The following RIMBP2 variants were observed in gnomAD, a reference collection of about 807,000 sequenced individuals.
The protein encoded by RIMBP2 is RIMS binding protein 2, also known as RIMS-binding protein 2.
A neutral mutation model predicts 118.6 loss-of-function variants in RIMBP2; 48 were observed. That is an observed-to-expected ratio of 0.40 (90% CI 0.32 to 0.51). The LOEUF is 0.51. Among genes scored for constraint, RIMBP2 ranks in the 20% least tolerant of loss-of-function variants. RIMBP2 has a pLI of 0.41. For missense variants in RIMBP2, 1,551 were observed against 1,768.3 expected (o/e 0.88, Z 2.20); for synonymous variants, 762 against 742.9 (o/e 1.03, Z -0.42).
intron 1 of RIMBP2, among the ~76,000 whole-genome samples, chr12:130,628,812 T>C (rs192716619): frequency 6.6e-6 from 1 of 152,136 alleles, no homozygotes; most frequent in Admixed American, 6.5e-5. Context: ...AGACAGATGA[T>C]AGCAAGGGAC....
At chr12:130,573,866 T>C (rs537738779) in intron 2 of RIMBP2, among the ~76,000 whole-genome samples, 4 of 152,198 alleles carry the variant, frequency 2.6e-5, no homozygotes, top group Middle Eastern at 6.8e-3. Context: ...CCCCAGCAAG[T>C]TCCCCCAACA....
intron 1 of RIMBP2, among the ~76,000 whole-genome samples, chr12:130,650,950 GTT>G (rs60984430): frequency 7.1e-5 from 9 of 126,346 alleles, no homozygotes; most frequent in African/African-American, 9.0e-5. Flanking sequence ...ACACAGCCTT[GTT>G]TTTTTTAAAA....
At chr12:130,473,649 A>C (rs1008232483) in intron 5 of RIMBP2, among the ~76,000 whole-genome samples, 2 of 152,344 alleles carry the variant, frequency 1.3e-5, no homozygotes, top group African/African-American at 4.8e-5. Context: ...GTGAGACTCA[A>C]GGAACTATGC....
At chr12:130,479,431 C>T (rs1357428589) in intron 4 of RIMBP2, among the ~76,000 whole-genome samples, 1 of 152,208 alleles carries the variant, frequency 6.6e-6, no homozygotes, top group African/African-American at 2.4e-5. Context: ...AGGGTTTTAT[C>T]TGCATTTAAG....
intron 20 of RIMBP2, 54 bp downstream of exon 20, chr12:130,407,672 G>T: frequency 7.2e-7 from 1 of 1,386,744 alleles, no homozygotes; most frequent in Non-Finnish European, 1.0e-6. Flanking sequence ...TGTACCACGA[G>T]GGAAGGGAAG....
At chr12:130,418,738 C>T (rs2076247017) in intron 17 of RIMBP2, among the ~76,000 whole-genome samples, 1 of 152,116 alleles carries the variant, frequency 6.6e-6, no homozygotes, top group African/African-American at 2.4e-5. Flanking sequence ...TCTTTCAGGT[C>T]CCTCCTATAG....
intron 1 of RIMBP2, among the ~76,000 whole-genome samples, chr12:130,702,734 G>A (rs185663184): frequency 4.2e-4 from 64 of 152,202 alleles, no homozygotes; most frequent in Admixed American, 3.1e-3. Context: ...ATGGCCGGGC[G>A]GTGAGGACAG....
Position 130,576,612 on chromosome 12 carries a change from C to T in RIMBP2, c.-217+51710G>A, listed in dbSNP as rs528695558. On this transcript the variant is annotated intron_variant, in intron 2 of 22. Coordinates refer to ENST00000690449, the MANE Select transcript of RIMBP2 (RefSeq NM_001393629.1). This position sits in a 1 kb window ranked among gnomAD's most constrained non-coding sequence, Gnocchi z 4.2. ...CAGCCAAGTGGCTGGTAAACCCGAGCCTCCCTGGGTCTGGAAAATGGAGAG... is the reference window on the plus strand; with the variant it reads ...CAGCCAAGTGGCTGGTAAACCCGAGTCTCCCTGGGTCTGGAAAATGGAGAG... Among the ~76,000 whole-genome samples, 1 of 152,312 alleles carries T rather than the reference C, an allele frequency of 6.6e-6. No homozygotes were observed. The highest frequency in any genetic ancestry group is 2.1e-4 in the South Asian group (1 of 4,822).
chr12:130,700,216 C>T (rs151033248), intron 1 of RIMBP2, among the ~76,000 whole-genome samples: 1 of 152,210 alleles, frequency 6.6e-6, no homozygotes, highest in East Asian at 1.9e-4. Context: ...CAGGCCATTT[C>T]TACAAAGACC....
At chr12:130,560,335 C>T (rs2056716786) in intron 2 of RIMBP2, among the ~76,000 whole-genome samples, 1 of 152,096 alleles carries the variant, frequency 6.6e-6, no homozygotes, top group African/African-American at 2.4e-5. Context: ...GTCTCGGTTC[C>T]AGGGTTTCTC....
intron 2 of RIMBP2, among the ~76,000 whole-genome samples, chr12:130,599,908 A>T (rs1433845256): frequency 6.6e-6 from 1 of 152,160 alleles, no homozygotes; most frequent in African/African-American, 2.4e-5. Flanking sequence ...AACCTGCCCC[A>T]TTCTATTCAA....
chr12:130,421,934 C>T (rs7957706), intron 17 of RIMBP2, among the ~76,000 whole-genome samples: 84,637 of 152,100 alleles, frequency 0.56, 24,650 homozygotes, highest in African/African-American at 0.74. Flanking sequence ...TGCCAGATGA[C>T]GACTCATGAG....
intron 1 of RIMBP2, among the ~76,000 whole-genome samples, chr12:130,635,200 G>A (rs531901940): frequency 6.6e-6 from 1 of 152,232 alleles, no homozygotes; most frequent in East Asian, 1.9e-4. Context: ...CCACTGCATG[G>A]GCTGCTGGTT....
At chr12:130,527,506 C>T (rs1201906325) in intron 2 of RIMBP2, among the ~76,000 whole-genome samples, 1 of 151,624 alleles carries the variant, frequency 6.6e-6, no homozygotes, top group Non-Finnish European at 1.5e-5. Context: ...AACTGTGTTC[C>T]TAACACAAGT....
chr12:130,685,671 C>T (rs767237341), intron 1 of RIMBP2, among the ~76,000 whole-genome samples: 48 of 152,126 alleles, frequency 3.2e-4, no homozygotes, highest in Non-Finnish European at 6.0e-4. Context: ...AGCCCTTGAA[C>T]GGCTCAGGTT....
At chr12:130,490,514 TCAG>T (rs1429564949) in intron 4 of RIMBP2, among the ~76,000 whole-genome samples, 1 of 152,102 alleles carries the variant, frequency 6.6e-6, no homozygotes, top group Non-Finnish European at 1.5e-5. Context: ...CTTTAATGAA[TCAG>T]CAGCAGAAGT....
intron 13 of RIMBP2, among the ~76,000 whole-genome samples, chr12:130,436,435 A>G (rs2077523025): frequency 6.6e-6 from 1 of 152,116 alleles, no homozygotes; most frequent in African/African-American, 2.4e-5. Context: ...GTGTGTGTAT[A>G]TATTTACATG....
chr12:130,479,082 C>G, intron 4 of RIMBP2, 66 bp from the exon 5 acceptor site: 1 of 1,325,128 alleles, frequency 7.5e-7, no homozygotes, highest in Non-Finnish European at 1.1e-6. Flanking sequence ...CATCCTATAC[C>G]CTGCACCAAG....
chr12:130,691,580 A>C (rs958251005), intron 1 of RIMBP2, among the ~76,000 whole-genome samples: 1 of 152,164 alleles, frequency 6.6e-6, no homozygotes, highest in Non-Finnish European at 1.5e-5. Flanking sequence ...CTCAGATGGG[A>C]AGATCACCTG....
Sources: gnomAD v4.1 joint callset for allele counts (sites outside exome capture counted in the v4.1 genomes callset) on GRCh38, gnomAD v4.1.1 for gene constraint, Gnocchi (gnomAD v3.1) non-coding constraint, MANE v1.5 for transcripts, NCBI Gene and HGNC (gene_info 2026-07-23, HGNC 2026-07-21) for gene names.